The following CHRM3 variants were observed in gnomAD, a reference collection of about 807,000 sequenced individuals.
CHRM3 encodes cholinergic receptor muscarinic 3.
In CHRM3, 11 loss-of-function variants were observed where a neutral mutation model predicts 41.8. That is an observed-to-expected ratio of 0.26 (90% confidence interval 0.17 to 0.44). The LOEUF (loss-of-function observed/expected upper bound fraction) is 0.44. Ranked by LOEUF, CHRM3 falls within the 20% of genes least tolerant of loss-of-function variation. The pLI, the probability that CHRM3 is intolerant of heterozygous loss-of-function variation, is 1.00. For synonymous variants in CHRM3, 297 were observed against 301.4 expected, an observed-to-expected ratio of 0.99 and a Z score of 0.15; for missense variants, 571 against 745.4, an observed-to-expected ratio of 0.77 and a Z score of 2.72.
chr1:239,664,722 C>A (rs1673592240), intron 4 of CHRM3, among the ~76,000 whole-genome samples: 1 of 152,128 alleles, frequency 6.6e-6, no homozygotes, highest in Non-Finnish European at 1.5e-5. Context: ...TCTCATGTTA[C>A]CCTCTTTGAA....
At chr1:239,720,612 TC>T (rs1662870815) in intron 5 of CHRM3, among the ~76,000 whole-genome samples, 2 of 152,066 alleles carry the variant, frequency 1.3e-5, no homozygotes, top group Admixed American at 1.3e-4. Flanking sequence ...AAGGGTTTTA[TC>T]TATAGAGATT....
At chr1:239,682,954 G>A (rs1488972704) in intron 5 of CHRM3, among the ~76,000 whole-genome samples, 1 of 152,040 alleles carries the variant, frequency 6.6e-6, no homozygotes, top group Non-Finnish European at 1.5e-5. Context: ...AGGCTATTTA[G>A]CATATCATGT....
At chr1:239,898,626 A>C (rs1017058302) in intron 6 of CHRM3, among the ~76,000 whole-genome samples, 1 of 152,236 alleles carries the variant, frequency 6.6e-6, no homozygotes, top group African/African-American at 2.4e-5. Flanking sequence ...TTAGACTTCT[A>C]GAAAAATTTA....
intron 5 of CHRM3, among the ~76,000 whole-genome samples, chr1:239,734,946 A>G (rs575160748): frequency 6.6e-6 from 1 of 152,266 alleles, no homozygotes; most frequent in Non-Finnish European, 1.5e-5. Flanking sequence ...TAAATTTTTC[A>G]AAAGTCTTCC....
intron 3 of CHRM3, among the ~76,000 whole-genome samples, chr1:239,607,877 T>A (rs1666527852): frequency 6.6e-6 from 1 of 152,202 alleles, no homozygotes; most frequent in South Asian, 2.1e-4. Context: ...AAATGTTTTA[T>A]ATTTTGTGTT....
intron 2 of CHRM3, among the ~76,000 whole-genome samples, chr1:239,517,017 T>C (rs1191484933): frequency 1.3e-5 from 2 of 152,126 alleles, no homozygotes; most frequent in African/African-American, 4.8e-5. Context: ...TTCTACACCA[T>C]GATGAGTTGT....
intron 4 of CHRM3, among the ~76,000 whole-genome samples, chr1:239,638,392 G>A (rs1246663668): frequency 6.6e-6 from 1 of 151,984 alleles, no homozygotes; most frequent in East Asian, 1.9e-4. Context: ...GTGTAAAATT[G>A]TTCCTGTTTC....
intron 4 of CHRM3, among the ~76,000 whole-genome samples, chr1:239,657,191 A>G (rs570984377): frequency 2.5e-4 from 38 of 152,328 alleles, no homozygotes; most frequent in Admixed American, 4.6e-4. Context: ...CTAACATTAC[A>G]TTGTACAAAA....
At chr1:239,434,960 C>T (rs1446675100) in intron 1 of CHRM3, among the ~76,000 whole-genome samples, 7 of 152,106 alleles carry the variant, frequency 4.6e-5, no homozygotes, top group Non-Finnish European at 1.0e-4. Context: ...TTTTGTATTC[C>T]TTGTCATGCT....
chr1:239,442,423 C>A (rs1365545443), intron 1 of CHRM3, among the ~76,000 whole-genome samples: 1 of 151,622 alleles, frequency 6.6e-6, no homozygotes, highest in Non-Finnish European at 1.5e-5. Flanking sequence ...CATGTTAGTT[C>A]TTGATGCATG....
intron 5 of CHRM3, among the ~76,000 whole-genome samples, chr1:239,753,916 A>G (rs1175963810): frequency 6.6e-6 from 1 of 152,230 alleles, no homozygotes; most frequent in Non-Finnish European, 1.5e-5. Flanking sequence ...GATTCTTCCA[A>G]CATCGTCAAT....
chr1:239,793,803 A>AGTTTTTTTT (rs1669530697), intron 5 of CHRM3, among the ~76,000 whole-genome samples: 1 of 69,496 alleles, frequency 1.4e-5, no homozygotes, highest in Non-Finnish European at 2.5e-5. Flanking sequence ...TGAAATGTGT[A>AGTTTTTTTT]TTTTTTTTTT....
At chr1:239,839,376 C>A (rs1334402578) in intron 6 of CHRM3, among the ~76,000 whole-genome samples, 2 of 152,294 alleles carry the variant, frequency 1.3e-5, no homozygotes, top group East Asian at 3.9e-4. Flanking sequence ...TACTGATCAA[C>A]CACGTCTTTT....
intron 1 of CHRM3, among the ~76,000 whole-genome samples, chr1:239,404,652 A>C (rs1035911937): frequency 2.7e-5 from 4 of 148,260 alleles, no homozygotes; most frequent in African/African-American, 9.8e-5. Flanking sequence ...CAATAGAGCA[A>C]GAACTCAGAT....
At chr1:239,478,359 T>C (rs1666601343) in intron 1 of CHRM3, among the ~76,000 whole-genome samples, 1 of 152,148 alleles carries the variant, frequency 6.6e-6, no homozygotes, top group Non-Finnish European at 1.5e-5. Flanking sequence ...GTGTTCAGCA[T>C]AAAATAGACA....
intron 6 of CHRM3, among the ~76,000 whole-genome samples, chr1:239,837,499 C>A (rs1673424477): frequency 6.6e-6 from 1 of 152,146 alleles, no homozygotes; most frequent in African/African-American, 2.4e-5. Flanking sequence ...AAGCTGCAAA[C>A]CCTGACAGAC....
intron 1 of CHRM3, among the ~76,000 whole-genome samples, chr1:239,403,516 C>T (rs1480473117): frequency 6.6e-6 from 1 of 152,158 alleles, no homozygotes; most frequent in East Asian, 1.9e-4. Flanking sequence ...TCAGAACTTC[C>T]CTTGCCTGGA....
At chr1:239,476,055 C>A (rs1666446594) in intron 1 of CHRM3, among the ~76,000 whole-genome samples, 1 of 146,896 alleles carries the variant, frequency 6.8e-6, no homozygotes, top group Non-Finnish European at 1.5e-5. Context: ...ATTCTTAAAG[C>A]ACAGTTACTT....
At chr1:239,840,673 T>C (rs1376106197) in intron 6 of CHRM3, among the ~76,000 whole-genome samples, 2 of 152,186 alleles carry the variant, frequency 1.3e-5, no homozygotes, top group Non-Finnish European at 2.9e-5. Context: ...TTTAAAGATC[T>C]CATTTTAAAA....
Sources: allele counts gnomAD v4.1 joint callset (sites outside exome capture counted in the v4.1 genomes callset), GRCh38; gene constraint gnomAD v4.1.1; transcripts MANE v1.5; gene names NCBI Gene and HGNC (gene_info 2026-07-23, HGNC 2026-07-21).